TSHZ2: variants seen among roughly 807,000 people sequenced by gnomAD.
TSHZ2 encodes teashirt homolog 2.
In TSHZ2, 21 loss-of-function variants were observed where a neutral mutation model predicts 74.4. The observed-to-expected ratio is 0.28, with a 90% CI of 0.20 to 0.41. The LOEUF is 0.41. TSHZ2 is among the 10% of genes least tolerant of loss of function. The probability of loss-of-function intolerance (pLI) is 1.00; values close to 1 mark genes in which losing one functional copy is unlikely to be tolerated. For synonymous variants in TSHZ2, 540 were observed against 515.3 expected, an observed-to-expected ratio of 1.05 and a Z score of -0.65; for missense variants, 1,244 against 1,293.5, an observed-to-expected ratio of 0.96 and a Z score of 0.59.
At chr20:53,075,328 T>C (rs2123211878) in intron 1 of TSHZ2, among the ~76,000 whole-genome samples, 1 of 152,336 alleles carries the variant, frequency 6.6e-6, no homozygotes, top group East Asian at 1.9e-4. Flanking sequence ...TAATAGCCTG[T>C]GCAATGGGAT....
At chr20:53,044,178 C>G (rs1277518178) in intron 1 of TSHZ2, among the ~76,000 whole-genome samples, 1 of 152,204 alleles carries the variant, frequency 6.6e-6, no homozygotes, top group Non-Finnish European at 1.5e-5. Flanking sequence ...CAAAGAGCAT[C>G]CCTAATTCAC....
At chr20:53,414,242 G>T (rs2145703095) in intron 2 of TSHZ2, among the ~76,000 whole-genome samples, 1 of 152,254 alleles carries the variant, frequency 6.6e-6, no homozygotes, top group Admixed American at 6.5e-5. Context: ...TCGGGTTACA[G>T]GGGTACTTTA....
At chr20:53,073,448 CCATT>C (rs1185541476) in intron 1 of TSHZ2, among the ~76,000 whole-genome samples, 8 of 150,724 alleles carry the variant, frequency 5.3e-5, no homozygotes, top group Non-Finnish European at 1.0e-4. Flanking sequence ...ATCCATCCAT[CCATT>C]CATCCATTTC....
intron 1 of TSHZ2, among the ~76,000 whole-genome samples, chr20:53,142,402 A>C (rs1987425014): frequency 6.6e-6 from 1 of 152,218 alleles, no homozygotes; most frequent in African/African-American, 2.4e-5. Context: ...AGGCTAATTA[A>C]GTCTCATTGG....
Position 53,227,335 on chromosome 20 carries a change from G to T in TSHZ2, c.41-26164G>T, listed in dbSNP as rs988332009. ...AAACATATTTGGTGACTGTGGAAAA[G>T]ACTTCATGGGCACACAATGGCAAGC... On this transcript the variant is annotated intron_variant, in intron 1 of 2. Transcript: ENST00000371497. Among the ~76,000 whole-genome samples, 8 of 151,982 alleles carry T rather than the reference G, an allele frequency of 5.3e-5. No homozygotes were observed. In the East Asian group the frequency reaches 1.5e-3, roughly 29 times the overall value.
intron 2 of TSHZ2, among the ~76,000 whole-genome samples, chr20:53,414,913 C>A (rs1983182400): frequency 6.6e-6 from 1 of 152,072 alleles, no homozygotes; most frequent in Admixed American, 6.5e-5. Flanking sequence ...GCACCTCATT[C>A]TTTTTTCAGA....
intron 2 of TSHZ2, among the ~76,000 whole-genome samples, chr20:53,472,546 G>T (rs1985843520): frequency 6.6e-6 from 1 of 152,202 alleles, no homozygotes; most frequent in African/African-American, 2.4e-5. Context: ...CAAGATGCCA[G>T]CTGGATGTTC....
At chr20:53,466,260 TAAAAAAA>T (rs1219023172) in intron 2 of TSHZ2, among the ~76,000 whole-genome samples, 1 of 54,908 alleles carries the variant, frequency 1.8e-5, no homozygotes, top group Admixed American at 2.0e-4. Flanking sequence ...AAAATAAAAA[TAAAAAAA>T]AAAAAAGAAA....
intron 2 of TSHZ2, among the ~76,000 whole-genome samples, chr20:53,278,046 C>G (rs1017667891): frequency 1.3e-5 from 2 of 152,216 alleles, no homozygotes; most frequent in Non-Finnish European, 1.5e-5. Flanking sequence ...ATTCAAAGCT[C>G]ATATCACAAT....
intron 2 of TSHZ2, among the ~76,000 whole-genome samples, chr20:53,456,182 G>C (rs985792996): frequency 1.3e-5 from 2 of 150,410 alleles, no homozygotes; most frequent in Non-Finnish European, 3.0e-5. Context: ...CACCAACAGT[G>C]TAAAAGTGTT....
intron 1 of TSHZ2, among the ~76,000 whole-genome samples, chr20:52,989,508 ATAGT>A (rs1981896333): frequency 6.6e-6 from 1 of 152,228 alleles, no homozygotes; most frequent in Non-Finnish European, 1.5e-5. Flanking sequence ...AGCTTTACAA[ATAGT>A]TAAGGACTCT....
intron 1 of TSHZ2, among the ~76,000 whole-genome samples, chr20:53,127,947 G>A (rs1280087185): frequency 6.6e-6 from 1 of 152,132 alleles, no homozygotes; most frequent in Non-Finnish European, 1.5e-5. Flanking sequence ...GCTAATGAGG[G>A]GAGAAAAATT....
chr20:53,193,554 G>A (rs563723626), intron 1 of TSHZ2, among the ~76,000 whole-genome samples: 13 of 152,082 alleles, frequency 8.5e-5, no homozygotes, highest in Middle Eastern at 3.4e-3. Context: ...GATCTGTCTC[G>A]TTCATCACTG....
intron 1 of TSHZ2, among the ~76,000 whole-genome samples, chr20:53,246,223 A>G (rs1990200106): frequency 6.6e-6 from 1 of 151,862 alleles, no homozygotes; most frequent in Non-Finnish European, 1.5e-5. Context: ...TTGTATTTTT[A>G]GTAGAGATGG....
intron 1 of TSHZ2, among the ~76,000 whole-genome samples, chr20:52,977,393 GTA>G (rs1347882840): frequency 6.8e-6 from 1 of 147,838 alleles, no homozygotes; most frequent in Non-Finnish European, 1.5e-5. Flanking sequence ...TTGCCCAAAA[GTA>G]TGTTTTTAAC....
chr20:53,436,548 A>ATTATTTTTTTTTT (rs1984084001), intron 2 of TSHZ2, among the ~76,000 whole-genome samples: 1 of 99,952 alleles, frequency 1.0e-5, no homozygotes, highest in African/African-American at 4.1e-5. Context: ...TATTATTATT[A>ATTATTTTTTTTTT]TTTTTTTTTT....
chr20:53,205,707 G>A (rs1205396381), intron 1 of TSHZ2, among the ~76,000 whole-genome samples: 1 of 152,108 alleles, frequency 6.6e-6, no homozygotes, highest in Admixed American at 6.5e-5. Flanking sequence ...TTTGGGAATT[G>A]GAGGGTCCCT....
chr20:53,092,920 A>G (rs1985927913), intron 1 of TSHZ2, among the ~76,000 whole-genome samples: 1 of 152,218 alleles, frequency 6.6e-6, no homozygotes, highest in South Asian at 2.1e-4. Flanking sequence ...GAAAGCAGCT[A>G]TAGACTAGGT....
At chr20:53,047,455 A>T (rs1284665088) in intron 1 of TSHZ2, among the ~76,000 whole-genome samples, 1 of 152,212 alleles carries the variant, frequency 6.6e-6, no homozygotes, top group Admixed American at 6.5e-5. Context: ...AGAAAGGAAA[A>T]GCAGTGGAAG....
Sources: gnomAD v4.1 joint callset for allele counts (sites outside exome capture counted in the v4.1 genomes callset) on GRCh38, gnomAD v4.1.1 for gene constraint, MANE v1.5 for transcripts, NCBI Gene and HGNC (gene_info 2026-07-23, HGNC 2026-07-21) for gene names.